Variants in NUP54 observed in about 807,000 individuals in gnomAD.
NUP54 encodes nucleoporin 54.
In NUP54, 27 loss-of-function variants were observed where a neutral mutation model predicts 66.4. The ratio of observed to expected loss-of-function variants is 0.41; its 90% CI spans 0.30 to 0.56. The LOEUF (loss-of-function observed/expected upper bound fraction) is 0.56. NUP54 is among the 20% of genes least tolerant of loss of function. NUP54 has a pLI of 0.34. For synonymous variants in NUP54, 206 were observed against 210.7 expected (o/e 0.98, Z 0.19); for missense variants, 486 against 596.3 (o/e 0.82, Z 1.93).
intron 3 of NUP54, among the ~76,000 whole-genome samples, chr4:76,140,220 A>G (rs1331583227): frequency 6.6e-6 from 1 of 151,622 alleles, no homozygotes; most frequent in Non-Finnish European, 1.5e-5. Flanking sequence ...ATAGAGGGAG[A>G]AAAAAAATAG....
At chr4:76,137,280 G>A (rs940581917) in intron 3 of NUP54, among the ~76,000 whole-genome samples, 4 of 152,162 alleles carry the variant, frequency 2.6e-5, no homozygotes, top group Admixed American at 1.3e-4. Flanking sequence ...TTATAGGCAT[G>A]AGCAACTGTG....
chr4:76,128,396 GA>G lies in NUP54; in HGVS notation c.1056+2259del, dbSNP rs5859495. 8.1e-3 allele frequency among the ~76,000 whole-genome samples: 981 copies of G among 120,638 alleles called. 7 individuals carry two copies. Among genetic ancestry groups the G allele is most frequent in the African/African-American group, 0.019 (652 of 33,442 alleles). 79.1% of individuals were successfully genotyped at this position (120,638 alleles called of 152,430 possible). ...AAATAATAGATTAAAAGGAAATGCT[GA>G]AAAAAAAAAAAAAGTCCAAATAACT... On this transcript the variant is annotated intron_variant, in intron 8 of 11. Transcript: ENST00000264883.
chr4:76,128,660 G>T (rs1219900481), intron 8 of NUP54, among the ~76,000 whole-genome samples: 1 of 152,206 alleles, frequency 6.6e-6, no homozygotes, highest in Non-Finnish European at 1.5e-5. Flanking sequence ...TGAGTGTCTT[G>T]AGTAAGTGTC....
At chr4:76,118,612 G>A (rs1344951481) in intron 9 of NUP54, among the ~76,000 whole-genome samples, 3 of 148,348 alleles carry the variant, frequency 2.0e-5, no homozygotes, top group Non-Finnish European at 3.0e-5. Flanking sequence ...GGCTGGTCTT[G>A]AACTCCTGGG....
At chr4:76,137,886 T>C (rs1232234197) in intron 3 of NUP54, among the ~76,000 whole-genome samples, 1 of 152,192 alleles carries the variant, frequency 6.6e-6, no homozygotes, top group African/African-American at 2.4e-5. Flanking sequence ...ATAGCAGCAA[T>C]AAATTTTACT....
chr4:76,147,746 G>C, intron 1 of NUP54: 2 of 886,518 alleles, frequency 2.3e-6, no homozygotes, highest in Non-Finnish European at 3.1e-6. Flanking sequence ...TTTCACAGAA[G>C]TGAACAAACC....
At chr4:76,147,396 G>T in intron 1 of NUP54, 1 of 925,340 alleles carries the variant, frequency 1.1e-6, no homozygotes, top group Non-Finnish European at 1.4e-6. Flanking sequence ...ACAAGTAACT[G>T]TTCTTTCCCA....
chr4:76,146,281 C>T (rs894254), intron 1 of NUP54, among the ~76,000 whole-genome samples: 53,129 of 151,952 alleles, frequency 0.35, 10,398 homozygotes, highest in East Asian at 0.55. Flanking sequence ...AAGCAAATAC[C>T]AACAAGTTTA....
intron 9 of NUP54, among the ~76,000 whole-genome samples, chr4:76,120,421 CT>C (rs59098375): frequency 0.17 from 19,672 of 117,304 alleles, 1,411 homozygotes; most frequent in Middle Eastern, 0.27. Context: ...AAAGGGATCT[CT>C]TTTTTTTTTT....
chr4:76,134,083 A>G (rs1183566492), intron 5 of NUP54, 92 bp downstream of exon 5: 13 of 806,500 alleles, frequency 1.6e-5, no homozygotes, highest in Middle Eastern at 6.2e-4. Context: ...CTGAGAGTTA[A>G]TTTGTGCTTT....
chr4:76,127,107 C>G (rs1730571286), intron 8 of NUP54, among the ~76,000 whole-genome samples: 1 of 152,066 alleles, frequency 6.6e-6, no homozygotes, highest in South Asian at 2.1e-4. Context: ...CTTTGATAAT[C>G]ATTGAGGAAT....
chr4:76,115,613 T>C, intron 11 of NUP54, 119 bp from the exon 12 acceptor site: 1 of 627,076 alleles, frequency 1.6e-6, no homozygotes, highest in East Asian at 3.2e-5. Context: ...TAGTAAGTGC[T>C]CTAAATATAG....
chr4:76,116,307 G>A (rs184993230), intron 11 of NUP54, among the ~76,000 whole-genome samples: 2 of 152,196 alleles, frequency 1.3e-5, no homozygotes, highest in Non-Finnish European at 2.9e-5. Context: ...GTAGTTTTTG[G>A]TTGCATAAAA....
rs967574528 is a variant in NUP54 at position 76,115,286 on chromosome 4, G to A, written c.*80C>T. The stretch of plus-strand genomic sequence containing the variant: ...AGAATTGTTTTCTTTTTCCCTCCAT[G>A]TGGTCGGTTTCATTCTTAAGGAAGG... On this transcript the variant is annotated 3_prime_UTR_variant, in exon 12 of 12. Coordinates refer to ENST00000264883, the MANE Select transcript of NUP54 (RefSeq NM_017426.4). 6 of 1,234,462 alleles carry A rather than the reference G, an allele frequency of 4.9e-6. No homozygotes were observed. The highest frequency in any genetic ancestry group is 6.4e-6 in the Non-Finnish European group (6 of 930,412). 76.5% of individuals were successfully genotyped at this position (1,234,462 alleles called of 1,614,324 possible).
At position 76,115,299 on chromosome 4, in the gene NUP54, T is replaced by C; in HGVS notation, c.*67A>G. ...TTTTCCCTCCATGTGGTCGGTTTCA[T>C]TCTTAAGGAAGGTCTGATGCAGTAA... On this transcript the variant is annotated 3_prime_UTR_variant, in exon 12 of 12. Coordinates refer to ENST00000264883, the MANE Select transcript of NUP54 (RefSeq NM_017426.4). 7.2e-7 allele frequency: 1 copy of C among 1,385,978 alleles called. No individual in the cohort carries two copies. Among genetic ancestry groups the C allele is most frequent in the Non-Finnish European group, 9.5e-7 (1 of 1,054,044 alleles). The allele number at this position is 1,385,978 out of a possible 1,614,324, so 85.9% of individuals were successfully genotyped here.
intron 5 of NUP54, among the ~76,000 whole-genome samples, chr4:76,133,018 T>C (rs950471767): frequency 8.8e-6 from 1 of 113,264 alleles, no homozygotes; most frequent in Admixed American, 8.9e-5. Flanking sequence ...TTAGCTTACA[T>C]GTATGTGTGT....
At chr4:76,145,590 G>A (rs1239281293) in intron 1 of NUP54, 1 of 1,270,098 alleles carries the variant, frequency 7.9e-7, no homozygotes, top group African/African-American at 1.5e-5. Context: ...TGAAGGAAGA[G>A]ATTTGACAGA....
intron 1 of NUP54, chr4:76,147,852 G>T (rs945085352): frequency 1.7e-4 from 58 of 343,268 alleles, no homozygotes; most frequent in Admixed American, 6.5e-4. Flanking sequence ...AGGACCACAG[G>T]GGGCCGGGGG....
rs1731601818 is a variant in NUP54 at position 76,148,298 on chromosome 4, G to GA, written c.67+9dup. ...TTCTTCCCGGGTGAAGGTCTAGGGG[G>GA]ATCACTCACCCGCGGGGGCCGCGGT... On this transcript the variant is annotated intron_variant, in intron 1 of 11. Transcript: ENST00000264883. 1.1e-5 allele frequency: 16 copies of GA among 1,483,590 alleles called. No homozygotes were observed. The East Asian group carries it at 4.2e-4, about 39-fold the overall frequency. 91.9% of individuals were successfully genotyped at this position (1,483,590 alleles called of 1,614,324 possible).
Sources: gnomAD v4.1 joint callset for allele counts (sites outside exome capture counted in the v4.1 genomes callset) on GRCh38, gnomAD v4.1.1 for gene constraint, MANE v1.5 for transcripts, NCBI Gene and HGNC (gene_info 2026-07-23, HGNC 2026-07-21) for gene names.